The following ST8SIA1 variants were observed in gnomAD, a reference collection of about 807,000 sequenced individuals.
ST8SIA1 encodes ST8 alpha-N-acetyl-neuraminide alpha-2,8-sialyltransferase 1.
A neutral mutation model predicts 35.9 loss-of-function variants in ST8SIA1; 16 were observed. That is an observed-to-expected ratio of 0.45 (90% CI 0.30 to 0.68). ST8SIA1 has a LOEUF of 0.68. Among genes scored for constraint, ST8SIA1 ranks in the 30% least tolerant of loss-of-function variants. The probability of loss-of-function intolerance (pLI) is 0.09; values close to 1 mark genes in which losing one functional copy is unlikely to be tolerated. For synonymous variants in ST8SIA1, 170 were observed against 169.6 expected, an observed-to-expected ratio of 1.00 and a Z score of -0.02; for missense variants, 383 against 453.6, an observed-to-expected ratio of 0.84 and a Z score of 1.41.
intron 4 of ST8SIA1, among the ~76,000 whole-genome samples, chr12:22,221,812 T>C (rs1365133735): frequency 6.6e-6 from 1 of 152,232 alleles, no homozygotes; most frequent in Non-Finnish European, 1.5e-5. Context: ...GTAGGGCAAA[T>C]AGTAATTTCT....
chr12:22,302,243 C>T (rs1565590999), intron 1 of ST8SIA1, among the ~76,000 whole-genome samples: 3 of 151,778 alleles, frequency 2.0e-5, no homozygotes, highest in African/African-American at 7.3e-5. Flanking sequence ...CTTTCTTTTC[C>T]TTTTTCCCCC....
At chr12:22,299,050 T>A (rs1162264936) in intron 1 of ST8SIA1, among the ~76,000 whole-genome samples, 3 of 152,014 alleles carry the variant, frequency 2.0e-5, no homozygotes, top group Non-Finnish European at 4.4e-5. Flanking sequence ...GAAATGGAGT[T>A]TTTTTTTCAG....
intron 1 of ST8SIA1, chr12:22,325,847 GT>G (rs1419382699): frequency 1.0e-5 from 7 of 701,480 alleles, no homozygotes; most frequent in Non-Finnish European, 1.6e-5. Context: ...TAAAATCGGT[GT>G]TCCTTGAACA....
chr12:22,303,825 G>GCCA (rs199601161), intron 1 of ST8SIA1, among the ~76,000 whole-genome samples: 1 of 134,214 alleles, frequency 7.5e-6, no homozygotes, highest in Admixed American at 7.9e-5. Flanking sequence ...AATCCGCCCC[G>GCCA]CCACCACCAC....
intron 2 of ST8SIA1, among the ~76,000 whole-genome samples, chr12:22,283,572 G>A (rs755323178): frequency 3.9e-5 from 6 of 152,068 alleles, no homozygotes; most frequent in South Asian, 4.2e-4. Flanking sequence ...CACATACATC[G>A]CATGTTTTAA....
At chr12:22,217,327 TAAGTG>T (rs1156665291) in intron 4 of ST8SIA1, among the ~76,000 whole-genome samples, 1 of 152,178 alleles carries the variant, frequency 6.6e-6, no homozygotes, top group Non-Finnish European at 1.5e-5. Flanking sequence ...GACATAATAT[TAAGTG>T]AAGTATACTC....
chr12:22,244,730 G>A lies in ST8SIA1; in HGVS notation c.584+4276C>T, dbSNP rs562464512. ...GCCTCCCAAAGTGCTGAGATTACAG[G>A]CGTGAGCCACCAGGCCCAGCAACTT... On this transcript the variant is annotated intron_variant, in intron 4 of 4. Transcript: ENST00000396037. Among the ~76,000 whole-genome samples, 39 of 152,306 alleles carry A rather than the reference G, an allele frequency of 2.6e-4. No homozygotes were observed. The Middle Eastern group carries it at 0.01, about 40-fold the overall frequency.
At chr12:22,231,329 T>C (rs1865418239) in intron 4 of ST8SIA1, among the ~76,000 whole-genome samples, 1 of 151,220 alleles carries the variant, frequency 6.6e-6, no homozygotes, top group South Asian at 2.1e-4. Context: ...ACACCTTCAC[T>C]CCAAAACAGG....
At chr12:22,271,769 C>T (rs758940414) in intron 2 of ST8SIA1, among the ~76,000 whole-genome samples, 13 of 152,280 alleles carry the variant, frequency 8.5e-5, no homozygotes, top group Non-Finnish European at 1.5e-4. Context: ...ATCAGCCTTT[C>T]CTGTCTCCTT....
intron 2 of ST8SIA1, among the ~76,000 whole-genome samples, chr12:22,282,106 G>A (rs1178366070): frequency 6.6e-6 from 1 of 152,094 alleles, no homozygotes; most frequent in African/African-American, 2.4e-5. Context: ...CAGTTTCAAG[G>A]TGACTGAGTG....
intron 4 of ST8SIA1, among the ~76,000 whole-genome samples, chr12:22,208,855 T>A (rs1241372238): frequency 6.6e-6 from 1 of 152,170 alleles, no homozygotes; most frequent in Admixed American, 6.5e-5. Context: ...ATGCCAAAAG[T>A]AATATTTCAA....
Position 22,204,370 on chromosome 12 carries a change from A to G in ST8SIA1, c.585-2332T>C, listed in dbSNP as rs574798766. Among the ~76,000 whole-genome samples, 3 of 152,318 alleles carry G rather than the reference A, an allele frequency of 2.0e-5. No homozygotes were observed. The South Asian group carries it at 6.2e-4, about 32-fold the overall frequency. ...TGATTACAACAAGCAGGTTAGAACT[A>G]AAAAACTCTTCTTAATATGCTCATA... On this transcript the variant is annotated intron_variant, in intron 4 of 4. Transcript: ENST00000396037.
chr12:22,221,712 G>A (rs1415998535), intron 4 of ST8SIA1, among the ~76,000 whole-genome samples: 1 of 152,184 alleles, frequency 6.6e-6, no homozygotes, highest in Non-Finnish European at 1.5e-5. Context: ...GTTGAAAACA[G>A]AACATCTATT....
chr12:22,208,827 T>G (rs1386744164), intron 4 of ST8SIA1, among the ~76,000 whole-genome samples: 4 of 152,152 alleles, frequency 2.6e-5, no homozygotes, highest in Non-Finnish European at 5.9e-5. Flanking sequence ...TACCTAAGCA[T>G]TTTTGGAGAT....
At chr12:22,316,184 T>C (rs937087301) in intron 1 of ST8SIA1, among the ~76,000 whole-genome samples, 5 of 152,256 alleles carry the variant, frequency 3.3e-5, no homozygotes, top group East Asian at 3.9e-4. Flanking sequence ...CAATCTTAAT[T>C]GTATCTGAGA....
chr12:22,248,795 C>T lies in ST8SIA1; in HGVS notation c.584+211G>A, dbSNP rs1006641180. ...TTGTTATTTCTATCATCTCTAAAGG[C>T]AAGAAACAGAATCCCAGAGGAAGCA... is the stretch of plus-strand genomic sequence containing the variant. On this transcript the variant is annotated intron_variant, in intron 4 of 4. Coordinates refer to ENST00000396037, the MANE Select transcript of ST8SIA1 (RefSeq NM_003034.4). 3 of 496,240 alleles carry T rather than the reference C, an allele frequency of 6.0e-6. No homozygotes were observed. The Admixed American group carries it at 1.1e-4, about 18-fold the overall frequency. The allele number at this position is 496,240 out of a possible 1,614,324, so 30.7% of individuals were successfully genotyped here.
chr12:22,227,757 A>C (rs562763372), intron 4 of ST8SIA1, among the ~76,000 whole-genome samples: 1 of 152,152 alleles, frequency 6.6e-6, no homozygotes, highest in Non-Finnish European at 1.5e-5. Context: ...TAATCATTTG[A>C]GTATTTGTGC....
At chr12:22,235,150 A>C (rs1259885697) in intron 4 of ST8SIA1, among the ~76,000 whole-genome samples, 1 of 152,242 alleles carries the variant, frequency 6.6e-6, no homozygotes, top group African/African-American at 2.4e-5. Flanking sequence ...TGATTTATAA[A>C]TGCAATAACA....
At chr12:22,265,920 C>T (rs1265790530) in intron 2 of ST8SIA1, among the ~76,000 whole-genome samples, 4 of 152,034 alleles carry the variant, frequency 2.6e-5, no homozygotes, top group African/African-American at 9.7e-5. Flanking sequence ...TTTCCCTTGC[C>T]CACAGACAAA....
Sources: gnomAD v4.1 joint callset for allele counts (sites outside exome capture counted in the v4.1 genomes callset) on GRCh38, gnomAD v4.1.1 for gene constraint, MANE v1.5 for transcripts, NCBI Gene and HGNC (gene_info 2026-07-23, HGNC 2026-07-21) for gene names.